IGF2BP2: variants seen among roughly 807,000 people sequenced by gnomAD.
IGF2BP2 encodes insulin like growth factor 2 mRNA binding protein 2, also known as insulin-like growth factor 2 mRNA-binding protein 2.
In IGF2BP2, 17 loss-of-function variants were observed where a neutral mutation model predicts 75.8. The observed-to-expected ratio is 0.22, with a 90% CI of 0.15 to 0.34. The LOEUF is 0.34. Ranked by LOEUF, IGF2BP2 falls within the 10% of genes least tolerant of loss-of-function variation. IGF2BP2 has a pLI of 1.00. For missense variants in IGF2BP2, 516 were observed against 772.4 expected (o/e 0.67, Z 3.93); for synonymous variants, 288 against 295.6 (o/e 0.97, Z 0.26).
Position 185,702,852 on chromosome 3 carries a change from A to G in IGF2BP2, c.240-4505T>C, listed in dbSNP as rs147508542. Among the ~76,000 whole-genome samples the G allele has an allele frequency of 7.1e-3, 1,085 of 152,354 alleles. 11 individuals carry two copies. The highest frequency in any genetic ancestry group is 0.025 in the African/African-American group (1,027 of 41,574). On this transcript the variant is annotated intron_variant, in intron 2 of 15. Transcript: ENST00000382199. The stretch of plus-strand genomic sequence containing the variant: ...CCTCAGCTCACCCTCAAACAGAAGT[A>G]AAAAGAGCAGCAGGAACATGTCTTT...
intron 7 of IGF2BP2, among the ~76,000 whole-genome samples, chr3:185,676,151 G>A (rs1221959547): frequency 6.6e-6 from 1 of 152,090 alleles, no homozygotes; most frequent in Non-Finnish European, 1.5e-5. Context: ...GATCCATGAG[G>A]CTGATCTGGC....
chr3:185,768,145 C>G (rs758466320), intron 2 of IGF2BP2, among the ~76,000 whole-genome samples: 23 of 152,126 alleles, frequency 1.5e-4, no homozygotes, highest in Non-Finnish European at 2.8e-4. Context: ...GGAAAAGAGA[C>G]AAAGGGGCTG....
At chr3:185,709,806 G>C (rs1324408195) in intron 2 of IGF2BP2, among the ~76,000 whole-genome samples, 1 of 152,098 alleles carries the variant, frequency 6.6e-6, no homozygotes, top group East Asian at 1.9e-4. Flanking sequence ...TTTCACACAA[G>C]AGAGCACCAT....
intron 2 of IGF2BP2, among the ~76,000 whole-genome samples, chr3:185,759,598 C>A (rs1732087967): frequency 6.6e-6 from 1 of 152,178 alleles, no homozygotes; most frequent in Non-Finnish European, 1.5e-5. Context: ...ATCCCTTCCA[C>A]AGCCCCATGC....
Position 185,743,696 on chromosome 3 carries a change from A to G in IGF2BP2, c.240-45349T>C, listed in dbSNP as rs183935027. On this transcript the variant is annotated intron_variant, in intron 2 of 15. Coordinates refer to ENST00000382199, the MANE Select transcript of IGF2BP2 (RefSeq NM_006548.6). The stretch of plus-strand genomic sequence containing the variant: ...TTTAGTTATAGTATCAGATAAAATT[A>G]TTAAATTATGACCAATCCATTGCCT... Among the ~76,000 whole-genome samples, 3 of 152,370 alleles carry G rather than the reference A, an allele frequency of 2.0e-5. No individual in the cohort carries two copies. In the East Asian group the frequency reaches 5.8e-4, roughly 29 times the overall value.
intron 2 of IGF2BP2, among the ~76,000 whole-genome samples, chr3:185,773,323 C>CTA (rs1734129157): frequency 6.6e-6 from 1 of 152,144 alleles, no homozygotes. Context: ...ACACTATAGA[C>CTA]TATAGAACTT....
intron 2 of IGF2BP2, among the ~76,000 whole-genome samples, chr3:185,798,766 ATAACTAAG>A (rs1262753295): frequency 6.6e-6 from 1 of 151,540 alleles, no homozygotes; most frequent in Non-Finnish European, 1.5e-5. Context: ...TAAGCAAAAT[ATAACTAAG>A]TTTTTCTTTT....
intron 2 of IGF2BP2, among the ~76,000 whole-genome samples, chr3:185,735,788 T>A (rs1346323345): frequency 6.6e-6 from 1 of 152,178 alleles, no homozygotes; most frequent in Non-Finnish European, 1.5e-5. Flanking sequence ...TTCATTTCCA[T>A]CACCATGATC....
chr3:185,749,174 GAAAA>G lies in IGF2BP2; in HGVS notation c.240-50831_240-50828del, dbSNP rs752536401. Among the ~76,000 whole-genome samples, 11 of 150,164 alleles carry G rather than the reference GAAAA, an allele frequency of 7.3e-5. 1 individual carries two copies. Among genetic ancestry groups the G allele is most frequent in the African/African-American group, 2.4e-4 (10 of 41,012 alleles). On this transcript the variant is annotated intron_variant, in intron 2 of 15. Transcript: ENST00000382199. ...GCGAGACTCCGTCTAAAAGAAAAAA[GAAAA>G]AAAAGAAAAAAAAATTCTCTCTTTT...
At chr3:185,804,885 C>T (rs564023934) in intron 2 of IGF2BP2, among the ~76,000 whole-genome samples, 20 of 151,216 alleles carry the variant, frequency 1.3e-4, no homozygotes, top group East Asian at 1.9e-4. Context: ...CCCAGCTACT[C>T]GGGAGGCTGA....
intron 2 of IGF2BP2, among the ~76,000 whole-genome samples, chr3:185,751,725 GA>G (rs1730992690): frequency 6.6e-6 from 1 of 152,104 alleles, no homozygotes; most frequent in Non-Finnish European, 1.5e-5. Flanking sequence ...AGCACTTTGG[GA>G]GGCCGAGACG....
chr3:185,675,415 T>C lies in IGF2BP2; in HGVS notation c.952A>G (p.Ile318Val), dbSNP rs1281418802. Residue 318 changes from isoleucine to valine, a missense_variant, in exon 9 of 16, where the codon ATA becomes GTA. Transcript: ENST00000382199. ...ITISSLQDLSIYNPERTITVK... is the reference protein window; with the variant it reads ...ITISSLQDLSVYNPERTITVK... ...GTGATGGTTCTTTCCGGGTTGTATA[T>C]GCTCAAATCCTGCAAACTGACCCAT... 2 of 1,611,366 alleles carry C rather than the reference T, an allele frequency of 1.2e-6. No individual in the cohort carries two copies. Among genetic ancestry groups the C allele is most frequent in the Non-Finnish European group, 1.7e-6 (2 of 1,179,440 alleles).
At chr3:185,721,725 T>C (rs1192421265) in intron 2 of IGF2BP2, among the ~76,000 whole-genome samples, 4 of 152,146 alleles carry the variant, frequency 2.6e-5, no homozygotes, top group Middle Eastern at 3.2e-3. Flanking sequence ...CTTCTCTGTC[T>C]ACCACCTCCC....
chr3:185,654,493 C>T (rs767942088), intron 12 of IGF2BP2, among the ~76,000 whole-genome samples: 1 of 152,228 alleles, frequency 6.6e-6, no homozygotes, highest in Admixed American at 6.5e-5. Context: ...TTCACGCTGA[C>T]CAAATCAGTT....
chr3:185,689,796 G>A (rs1184659281), intron 5 of IGF2BP2, among the ~76,000 whole-genome samples, 169 bp from the exon 6 acceptor site: 14 of 151,704 alleles, frequency 9.2e-5, no homozygotes, highest in Non-Finnish European at 1.5e-4. Context: ...GTGAAACCCC[G>A]TCTCTACTAA....
At position 185,647,110 on chromosome 3, in the gene IGF2BP2, G is replaced by A; in HGVS notation, c.1622C>T (p.Ala541Val). Residue 541 changes from alanine to valine, a missense_variant, in exon 15 of 16, where the codon GCA becomes GTA. By Grantham distance (64) the Ala-to-Val change is moderately conservative (BLOSUM62 0). Coordinates refer to ENST00000382199, the MANE Select transcript of IGF2BP2 (RefSeq NM_006548.6). This position sits in a 1 kb window ranked among gnomAD's most constrained non-coding sequence, Gnocchi z 4.9. ...TTGGTCACGAGGCACGATGACTTCTGCACTGGTTAAGTTCTGCAGTTCGTT... is the reference window on the plus strand; with the variant it reads ...TTGGTCACGAGGCACGATGACTTCTACACTGGTTAAGTTCTGCAGTTCGTT... ...TVNELQNLTS[A>V]EVIVPRDQTP... 2 of 1,614,084 alleles carry A rather than the reference G, an allele frequency of 1.2e-6. No homozygotes were observed. Among genetic ancestry groups the A allele is most frequent in the Non-Finnish European group, 1.7e-6 (2 of 1,179,938 alleles).
intron 1 of IGF2BP2, among the ~76,000 whole-genome samples, 191 bp downstream of exon 1, chr3:185,824,592 C>A (rs1215542685): frequency 2.7e-5 from 3 of 112,806 alleles, no homozygotes; most frequent in Non-Finnish European, 3.6e-5. Flanking sequence ...GAGTCCAGAG[C>A]TGTGGGGGGA....
chr3:185,723,748 G>A (rs1726914198), intron 2 of IGF2BP2, among the ~76,000 whole-genome samples: 1 of 152,194 alleles, frequency 6.6e-6, no homozygotes, highest in African/African-American at 2.4e-5. Flanking sequence ...AGGTGAGTAT[G>A]GAATGGGGTG....
chr3:185,718,963 CCA>C (rs1298307760), intron 2 of IGF2BP2, among the ~76,000 whole-genome samples: 2 of 152,162 alleles, frequency 1.3e-5, no homozygotes, highest in Admixed American at 6.5e-5. Context: ...TCTTGGGAAG[CCA>C]CAGACCCAAA....
Sources: allele counts gnomAD v4.1 joint callset (sites outside exome capture counted in the v4.1 genomes callset), GRCh38; gene constraint gnomAD v4.1.1; non-coding constraint Gnocchi (gnomAD v3.1); transcripts MANE v1.5; gene names NCBI Gene and HGNC (gene_info 2026-07-23, HGNC 2026-07-21).